Variants in RYR3 observed in about 807,000 individuals in gnomAD.
The protein encoded by RYR3 is ryanodine receptor 3.
A neutral mutation model predicts 584.3 loss-of-function variants in RYR3; 207 were observed. That is an observed-to-expected ratio of 0.35 (90% CI 0.32 to 0.40). The LOEUF is 0.40. RYR3 is among the 10% of genes least tolerant of loss of function. The probability of loss-of-function intolerance (pLI) is 1.00; values close to 1 mark genes in which losing one functional copy is unlikely to be tolerated. For missense variants in RYR3, 5,616 were observed against 6,089.2 expected, an observed-to-expected ratio of 0.92 and a Z score of 2.59; for synonymous variants, 2,416 against 2,248.5, an observed-to-expected ratio of 1.07 and a Z score of -2.11.
At chr15:33,455,540 A>G (rs1424088550) in intron 1 of RYR3, among the ~76,000 whole-genome samples, 1 of 152,184 alleles carries the variant, frequency 6.6e-6, no homozygotes, top group Non-Finnish European at 1.5e-5. Context: ...TTCCAGAAAA[A>G]TGCAGAGATT....
At chr15:33,790,733 G>A (rs1241487637) in intron 67 of RYR3, among the ~76,000 whole-genome samples, 1 of 152,174 alleles carries the variant, frequency 6.6e-6, no homozygotes, top group African/African-American at 2.4e-5. Context: ...TAAGGACTGT[G>A]AGACTAGATG....
chr15:33,522,929 G>A (rs901489980), intron 3 of RYR3, among the ~76,000 whole-genome samples: 4 of 152,036 alleles, frequency 2.6e-5, no homozygotes, highest in African/African-American at 2.4e-5. Flanking sequence ...AAAAATATCC[G>A]TGTTACCAGA....
chr15:33,617,369 A>G (rs73373847), intron 19 of RYR3, among the ~76,000 whole-genome samples: 41,623 of 151,696 alleles, frequency 0.27, 6,643 homozygotes, highest in African/African-American at 0.45. Context: ...CAGAGATCAC[A>G]CCACTGCACT....
At chr15:33,618,302 G>T (rs2060553576) in intron 19 of RYR3, among the ~76,000 whole-genome samples, 1 of 152,156 alleles carries the variant, frequency 6.6e-6, no homozygotes. Flanking sequence ...ATCCAAAGAT[G>T]TTGTATTTGT....
intron 55 of RYR3, among the ~76,000 whole-genome samples, chr15:33,749,114 C>G (rs1313931490): frequency 6.6e-6 from 1 of 152,096 alleles, no homozygotes; most frequent in Non-Finnish European, 1.5e-5. Context: ...TTAAGGAAGG[C>G]TGACTATACT....
At position 33,697,942 on chromosome 15, in the gene RYR3, G is replaced by A; in HGVS notation, c.6195G>A (p.Met2065Ile). 1.9e-6 allele frequency: 3 copies of A among 1,613,914 alleles called. No homozygotes were observed. Among genetic ancestry groups the A allele is most frequent in the Non-Finnish European group, 2.5e-6 (3 of 1,179,812 alleles). ...CCAACCTCATGAGAGTCCTGGGCAT[G>A]CACGAGACGGTGATGGAGGTGATGG... is the stretch of plus-strand genomic sequence containing the variant. ...QHPNLMRVLG[M>I]HETVMEVMVN... The change falls in exon 40 of 104, where the codon ATG (methionine) becomes ATA (isoleucine). Residue 2065 changes from methionine to isoleucine, a missense_variant. Around this residue, in one of 9 missense-constraint regions of RYR3, gnomAD observed 1,280 missense variants for 1,426.2 expected, o/e 0.90. Coordinates refer to ENST00000634891, the MANE Select transcript of RYR3 (RefSeq NM_001036.6).
At chr15:33,709,868 G>C (rs1459661305) in intron 43 of RYR3, among the ~76,000 whole-genome samples, 1 of 152,194 alleles carries the variant, frequency 6.6e-6, no homozygotes, top group Non-Finnish European at 1.5e-5. Flanking sequence ...AAAGGTAGGT[G>C]GTTATAATGG....
intron 1 of RYR3, among the ~76,000 whole-genome samples, chr15:33,413,318 A>G (rs899799490): frequency 2.6e-5 from 4 of 152,250 alleles, no homozygotes; most frequent in Non-Finnish European, 5.9e-5. Context: ...ACTGAACATT[A>G]GAAAGATATG....
At position 33,831,154 on chromosome 15, in the gene RYR3, T is replaced by C. The variant is rs59477264; in HGVS notation, c.11463+63T>C. ...ACATTGTTGATATGCCTGTATTCTATATTCCCTACAGAATACTTGATTGTA... is the reference window on the plus strand; with the variant it reads ...ACATTGTTGATATGCCTGTATTCTACATTCCCTACAGAATACTTGATTGTA... On this transcript the variant is annotated intron_variant, in intron 86 of 103. Transcript: ENST00000634891. 5,017 of 1,499,244 alleles carry C rather than the reference T, an allele frequency of 3.3e-3. 123 individuals are homozygous for C. The African/African-American group carries it at 0.057, about 17-fold the overall frequency. 92.9% of individuals were successfully genotyped at this position (1,499,244 alleles called of 1,614,324 possible). A position where few individuals can be genotyped will look rare whatever the true frequency, so the allele number is the denominator to read the frequency against.
chr15:33,671,622 A>C (rs2063838781), intron 38 of RYR3, among the ~76,000 whole-genome samples: 2 of 152,074 alleles, frequency 1.3e-5, no homozygotes, highest in African/African-American at 4.8e-5. Context: ...TCACTCTGGA[A>C]AGGGCGGGTC....
At position 33,853,535 on chromosome 15, in the gene RYR3, C is replaced by A; in HGVS notation, c.13672-20C>A. On this transcript the variant is annotated intron_variant, in intron 95 of 103. Coordinates refer to ENST00000634891, the MANE Select transcript of RYR3 (RefSeq NM_001036.6). ...GTGGTGGCGTGTGGCCTGAGCTCAC[C>A]CTGTCATCCTTTGCTTCAGGTGATC... 6.2e-7 allele frequency: 1 copy of A among 1,611,470 alleles called. No homozygotes were observed.
rs761055844 is a variant in RYR3 at position 33,810,904 on chromosome 15, C to G, written c.10198-74C>G. On this transcript the variant is annotated intron_variant, in intron 71 of 103. Coordinates refer to ENST00000634891, the MANE Select transcript of RYR3 (RefSeq NM_001036.6). ...CCCAGTGAAACTGTGCGTTGACTCT[C>G]CATACATCCCCATATGCTACTTGAC... 1.1e-4 allele frequency: 136 copies of G among 1,277,322 alleles called. 2 individuals are homozygous for G. The highest frequency in any genetic ancestry group is 9.1e-4 in the Middle Eastern group (5 of 5,486). The allele number at this position is 1,277,322 out of a possible 1,614,324, so 79.1% of individuals were successfully genotyped here. A position where few individuals can be genotyped will look rare whatever the true frequency, so the allele number is the denominator to read the frequency against.
intron 42 of RYR3, among the ~76,000 whole-genome samples, chr15:33,706,194 G>A (rs1825144177): frequency 6.6e-6 from 1 of 151,712 alleles, no homozygotes; most frequent in South Asian, 2.1e-4. Context: ...TTACATACGT[G>A]TAAGATTTAT....
intron 65 of RYR3, among the ~76,000 whole-genome samples, chr15:33,781,551 C>A (rs1051612201): frequency 2.3e-4 from 35 of 152,040 alleles, no homozygotes; most frequent in Non-Finnish European, 4.3e-4. Flanking sequence ...CTGTTTTTTT[C>A]ATCTAAAAAT....
At chr15:33,419,349 C>T (rs550630767) in intron 1 of RYR3, among the ~76,000 whole-genome samples, 2 of 152,094 alleles carry the variant, frequency 1.3e-5, no homozygotes, top group African/African-American at 4.8e-5. Flanking sequence ...TTCCTACTTG[C>T]AGTTGACTTT....
At position 33,699,819 on chromosome 15, in the gene RYR3, G is replaced by A. The variant is rs1176086680; in HGVS notation, c.6365G>A (p.Ser2122Asn). Residue 2122 changes from serine (S) to asparagine (N), a missense_variant, in exon 41 of 104, where the codon AGC (serine) becomes AAC (asparagine). By Grantham distance (46) the Ser-to-Asn change is conservative. Transcript: ENST00000634891. The part of the protein sequence containing the change: ...FEHLSYLLEN[S>N]SVGLASPSMR... Reference sequence around the variant, plus strand: ...CATCTGAGTTATCTTCTGGAGAATAGCAGTGTTGGCCTAGGTGCGTAAGTC... The same window carrying A: ...CATCTGAGTTATCTTCTGGAGAATAACAGTGTTGGCCTAGGTGCGTAAGTC... 6.2e-7 allele frequency: 1 copy of A among 1,613,602 alleles called. No individual in the cohort carries two copies. Among genetic ancestry groups the A allele is most frequent in the African/African-American group, 1.3e-5 (1 of 74,920 alleles).
At chr15:33,862,712 G>C (rs546231714) in intron 102 of RYR3, among the ~76,000 whole-genome samples, 2 of 151,954 alleles carry the variant, frequency 1.3e-5, no homozygotes, top group Non-Finnish European at 2.9e-5. Flanking sequence ...CTGGATTCAA[G>C]TGATTCTCCT....
At chr15:33,853,367 C>T (rs1228799330) in intron 95 of RYR3, among the ~76,000 whole-genome samples, 188 bp from the exon 96 acceptor site, 1 of 150,476 alleles carries the variant, frequency 6.6e-6, no homozygotes, top group African/African-American at 2.5e-5. Context: ...GCTTAAAAAA[C>T]AGTTATCATT....
At chr15:33,857,971 C>CCACCTCACTGG in intron 99 of RYR3, 57 bp downstream of exon 99, 1 of 1,603,478 alleles carries the variant, frequency 6.2e-7, no homozygotes. Context: ...CCCCGCCCCA[C>CCACCTCACTGG]CACCTCACTG....
Sources: allele counts gnomAD v4.1 joint callset (sites outside exome capture counted in the v4.1 genomes callset), GRCh38; gene constraint gnomAD v4.1.1; regional missense constraint gnomAD v4.1.1; transcripts MANE v1.5; gene names NCBI Gene and HGNC (gene_info 2026-07-23, HGNC 2026-07-21).